The following PRKCE variants were observed in gnomAD, a reference collection of about 807,000 sequenced individuals.
PRKCE encodes protein kinase C epsilon type.
Under a neutral mutation model 85.4 loss-of-function variants are expected in PRKCE, and 16 were observed. The observed-to-expected ratio is 0.19, with a 90% CI of 0.13 to 0.28. PRKCE has a LOEUF of 0.28. PRKCE is among the 10% of genes least tolerant of loss of function. PRKCE has a pLI of 1.00. For missense variants in PRKCE, 573 were observed against 975.2 expected, an observed-to-expected ratio of 0.59 and a Z score of 5.49; for synonymous variants, 388 against 371.5, an observed-to-expected ratio of 1.04 and a Z score of -0.51.
At chr2:46,066,891 G>A (rs1667668462) in intron 10 of PRKCE, among the ~76,000 whole-genome samples, 1 of 152,188 alleles carries the variant, frequency 6.6e-6, no homozygotes, top group African/African-American at 2.4e-5. Flanking sequence ...CGTGGTAAAG[G>A]AAACTCATTT....
At chr2:45,722,181 A>C (rs896483525) in intron 1 of PRKCE, among the ~76,000 whole-genome samples, 2 of 152,272 alleles carry the variant, frequency 1.3e-5, no homozygotes, top group African/African-American at 4.8e-5. Flanking sequence ...AAAGTCTTAG[A>C]GACATTGCAC....
intron 1 of PRKCE, among the ~76,000 whole-genome samples, chr2:45,697,000 T>G (rs1678207781): frequency 6.6e-6 from 1 of 152,210 alleles, no homozygotes. Flanking sequence ...CCCCCTTGGC[T>G]TTTGTACTTG....
upstream of PRKCE, chr2:45,651,644 C>A (rs61762791): frequency 7.2e-4 from 115 of 158,714 alleles, no homozygotes; most frequent in African/African-American, 2.3e-3. Context: ...GTCCCCGCCC[C>A]GTCCCACCGC....
At chr2:45,668,915 G>A (rs1485000946) in intron 1 of PRKCE, among the ~76,000 whole-genome samples, 1 of 152,086 alleles carries the variant, frequency 6.6e-6, no homozygotes, top group Non-Finnish European at 1.5e-5. Flanking sequence ...GAGGATAAAG[G>A]GTGCCTCTTG....
intron 1 of PRKCE, among the ~76,000 whole-genome samples, chr2:45,833,508 C>G (rs1690605907): frequency 6.6e-6 from 1 of 152,220 alleles, no homozygotes; most frequent in South Asian, 2.1e-4. Context: ...CAGACAGTTT[C>G]AAGTGCTCCA....
chr2:45,878,884 T>A (rs1035501647), intron 2 of PRKCE, among the ~76,000 whole-genome samples: 4 of 152,218 alleles, frequency 2.6e-5, no homozygotes, highest in African/African-American at 9.6e-5. Context: ...TGCTCTTGCT[T>A]TTTTAAAATC....
intron 2 of PRKCE, among the ~76,000 whole-genome samples, chr2:45,933,652 G>A (rs57497996): frequency 0.018 from 2,781 of 151,502 alleles, 81 homozygotes; most frequent in African/African-American, 0.064. Flanking sequence ...TTTTTTTTGT[G>A]TTTTTAGTGG....
chr2:46,007,927 A>G (rs1357863904), intron 9 of PRKCE, among the ~76,000 whole-genome samples: 1 of 152,184 alleles, frequency 6.6e-6, no homozygotes, highest in East Asian at 1.9e-4. Flanking sequence ...GAATCAAGTG[A>G]GATGGTAGAT....
At chr2:45,887,017 T>C (rs552786559) in intron 2 of PRKCE, among the ~76,000 whole-genome samples, 54 of 152,322 alleles carry the variant, frequency 3.5e-4, no homozygotes, top group African/African-American at 1.3e-3. Context: ...GTTTAAGTAA[T>C]ATGGCCTGGA....
chr2:45,687,230 A>G (rs1237118237), intron 1 of PRKCE, among the ~76,000 whole-genome samples: 2 of 152,214 alleles, frequency 1.3e-5, no homozygotes. Context: ...CAAACGACTA[A>G]TATCCTTAAT....
intron 2 of PRKCE, among the ~76,000 whole-genome samples, chr2:45,875,189 G>A (rs181532297): frequency 1.8e-4 from 28 of 152,292 alleles, no homozygotes; most frequent in Admixed American, 6.5e-4. Context: ...ATATTGCAGT[G>A]CAGTCTGGGA....
intron 4 of PRKCE, among the ~76,000 whole-genome samples, chr2:45,979,781 T>C (rs568748219): frequency 3.9e-5 from 6 of 152,270 alleles, no homozygotes; most frequent in African/African-American, 1.4e-4. Flanking sequence ...ACAACACAGA[T>C]ATAGGCCACT....
chr2:45,668,764 A>C (rs1676027222), intron 1 of PRKCE, among the ~76,000 whole-genome samples: 3 of 152,194 alleles, frequency 2.0e-5, no homozygotes, highest in African/African-American at 7.2e-5. Flanking sequence ...GGCCCTGCTT[A>C]TCTCACGGAG....
intron 11 of PRKCE, among the ~76,000 whole-genome samples, chr2:46,124,255 G>A (rs1574532590): frequency 6.6e-6 from 1 of 152,128 alleles, no homozygotes; most frequent in South Asian, 2.1e-4. Context: ...AACCCAGGAG[G>A]TGTAGGTTGC....
rs55930436 is a variant in PRKCE at position 45,960,167 on chromosome 2, T to C, written c.413-16262T>C. On this transcript the variant is annotated intron_variant, in intron 2 of 14. Transcript: ENST00000306156. The stretch of plus-strand genomic sequence containing the variant: ...AAAACCTCCATTTCATATTTTTTAA[T>C]GTGTGTGGTATGGTGGAAAAGACAT... Among the ~76,000 whole-genome samples the C allele has an allele frequency of 3.0e-3, 451 of 152,264 alleles. 4 individuals carry two copies. Among genetic ancestry groups the C allele is most frequent in the African/African-American group, 0.01 (433 of 41,530 alleles).
intron 2 of PRKCE, among the ~76,000 whole-genome samples, chr2:45,912,304 A>G (rs1314020255): frequency 1.3e-5 from 2 of 152,144 alleles, no homozygotes; most frequent in African/African-American, 2.4e-5. Flanking sequence ...TCAGTAATAG[A>G]TAGAGGGCCC....
intron 1 of PRKCE, among the ~76,000 whole-genome samples, chr2:45,720,348 G>A (rs1410259611): frequency 2.0e-5 from 3 of 152,100 alleles, no homozygotes; most frequent in Middle Eastern, 3.2e-3. Context: ...GGGGCGGTAG[G>A]GGTGCCTGGC....
intron 2 of PRKCE, among the ~76,000 whole-genome samples, chr2:45,863,525 G>T (rs79443074): frequency 6.6e-6 from 1 of 151,944 alleles, no homozygotes; most frequent in Non-Finnish European, 1.5e-5. Context: ...TTCCTTGTTT[G>T]TTAGGTGCTC....
chr2:45,747,711 G>A (rs1683247915), intron 1 of PRKCE, among the ~76,000 whole-genome samples: 1 of 152,128 alleles, frequency 6.6e-6, no homozygotes, highest in Non-Finnish European at 1.5e-5. Context: ...GTTCTTTTGG[G>A]TACATACTAG....
Sources: gnomAD v4.1 joint callset for allele counts (sites outside exome capture counted in the v4.1 genomes callset) on GRCh38, gnomAD v4.1.1 for gene constraint, MANE v1.5 for transcripts, NCBI Gene and HGNC (gene_info 2026-07-23, HGNC 2026-07-21) for gene names.